The following KIF21A variants were observed in gnomAD, a reference collection of about 807,000 sequenced individuals.
KIF21A encodes kinesin family member 21A.
KIF21A carries 114 observed loss-of-function variants against 202.9 expected under a neutral mutation model. The observed-to-expected ratio is 0.56, with a 90% CI of 0.48 to 0.66. The LOEUF (loss-of-function observed/expected upper bound fraction) is 0.66. Ranked by LOEUF, KIF21A falls within the 30% of genes least tolerant of loss-of-function variation. The pLI, the probability that KIF21A is intolerant of heterozygous loss-of-function variation, is 0.00. For missense variants in KIF21A, 1,677 were observed against 1,994.9 expected, an observed-to-expected ratio of 0.84 and a Z score of 3.04; for synonymous variants, 667 against 670.8, an observed-to-expected ratio of 0.99 and a Z score of 0.09.
chr12:39,380,925 CTTCAAAGTTCT>C (rs1454486365), intron 1 of KIF21A, among the ~76,000 whole-genome samples: 1 of 151,970 alleles, frequency 6.6e-6, no homozygotes, highest in African/African-American at 2.4e-5. Context: ...CAAAACTCTC[CTTCAAAGTTCT>C]TTCTAAATGT....
chr12:39,359,606 A>C (rs1177354730), intron 7 of KIF21A, among the ~76,000 whole-genome samples: 2 of 152,226 alleles, frequency 1.3e-5, no homozygotes, highest in Non-Finnish European at 2.9e-5. Flanking sequence ...CTTTTGATAA[A>C]GAAAATAAGG....
intron 1 of KIF21A, among the ~76,000 whole-genome samples, chr12:39,406,338 T>C (rs1237679569): frequency 6.6e-6 from 1 of 152,200 alleles, no homozygotes; most frequent in Middle Eastern, 3.2e-3. Context: ...GATGCATCAA[T>C]GTCTCTATCT....
intron 12 of KIF21A, among the ~76,000 whole-genome samples, chr12:39,345,072 G>C (rs1947775894): frequency 6.6e-6 from 1 of 152,108 alleles, no homozygotes; most frequent in Non-Finnish European, 1.5e-5. Flanking sequence ...CAGTCCTACT[G>C]AATCAGAATC....
intron 28 of KIF21A, 83 bp from the exon 29 acceptor site, chr12:39,318,284 A>G: frequency 7.3e-7 from 1 of 1,364,484 alleles, no homozygotes; most frequent in African/African-American, 1.5e-5. Flanking sequence ...TGCTCTTTTA[A>G]AAAAAAGCTT....
chr12:39,436,425 TA>T (rs1938715493), intron 1 of KIF21A, among the ~76,000 whole-genome samples: 29 of 109,882 alleles, frequency 2.6e-4, no homozygotes, highest in Admixed American at 2.4e-3. Flanking sequence ...TACTATATTA[TA>T]TATATATATA....
rs562005192 is a variant in KIF21A at position 39,296,324 on chromosome 12, C to G, written c.4932-1807G>C. On this transcript the variant is annotated intron_variant, in intron 37 of 37. Transcript: ENST00000361418. Reference sequence around the variant, plus strand: ...GACCTCATGACCCGCCTGCCTCGGCCTCCCAAAGTGCTGGGATTACAGGCA... The same window carrying G: ...GACCTCATGACCCGCCTGCCTCGGCGTCCCAAAGTGCTGGGATTACAGGCA... Among the ~76,000 whole-genome samples, 21 of 152,108 alleles carry G rather than the reference C, an allele frequency of 1.4e-4. No homozygotes were observed. The East Asian group carries it at 3.5e-3, about 25-fold the overall frequency.
At chr12:39,384,931 A>G (rs1014186963) in intron 1 of KIF21A, among the ~76,000 whole-genome samples, 1 of 152,204 alleles carries the variant, frequency 6.6e-6, no homozygotes, top group Non-Finnish European at 1.5e-5. Context: ...CTCATGGCCT[A>G]GCCATGTGAC....
chr12:39,370,211 G>A lies in KIF21A; in HGVS notation c.95C>T (p.Thr32Ile). Residue 32 changes from threonine (T) to isoleucine (I), a missense_variant, in exon 2 of 38, where the codon ACA (threonine) becomes ATA (isoleucine). Physicochemically the swap from Thr to Ile is moderately conservative, Grantham distance 89. Coordinates refer to ENST00000361418, the MANE Select transcript of KIF21A (RefSeq NM_001173464.2). ...KEKIEGCHICTSVTPGEPQVF... is the reference protein window; with the variant it reads ...KEKIEGCHICISVTPGEPQVF... ...CTGAGGCTCTCCTGGTGTGACAGAT[G>A]TACAAATATGGCATCCTTCAATCTT... is the stretch of plus-strand genomic sequence containing the variant. 1 of 1,613,606 alleles carries A rather than the reference G, an allele frequency of 6.2e-7. No homozygotes were observed.
At chr12:39,386,568 G>A (rs1337438686) in intron 1 of KIF21A, among the ~76,000 whole-genome samples, 2 of 152,108 alleles carry the variant, frequency 1.3e-5, no homozygotes. Flanking sequence ...GAAGTTGAAC[G>A]GCAGGTGCTG....
chr12:39,423,931 C>T (rs1954528810), intron 1 of KIF21A, among the ~76,000 whole-genome samples: 1 of 142,744 alleles, frequency 7.0e-6, no homozygotes, highest in Non-Finnish European at 1.5e-5. Flanking sequence ...TTGCAGTGAG[C>T]CGAGATTGCG....
chr12:39,367,126 T>A lies in KIF21A; in HGVS notation c.639A>T (p.Thr213=), dbSNP rs774381155. 12 of 1,613,966 alleles carry A rather than the reference T, an allele frequency of 7.4e-6. No homozygotes were observed. The East Asian group carries it at 2.2e-4, about 30-fold the overall frequency. Reference sequence around the variant, plus strand: ...GAACATTCATCTGGGTACTGGCAGTTGTCCGGGATAAAGCACCCAACTTCA... The same window carrying A: ...GAACATTCATCTGGGTACTGGCAGTAGTCCGGGATAAAGCACCCAACTTCA... The part of the protein sequence containing the change: ...QCLKLGALSR[T]TASTQMNVQS... Residue 213 remains threonine, a synonymous_variant, in exon 5 of 38, where the codon ACA becomes ACT. Coordinates refer to ENST00000361418, the MANE Select transcript of KIF21A (RefSeq NM_001173464.2).
intron 31 of KIF21A, among the ~76,000 whole-genome samples, chr12:39,314,963 T>C (rs917082418): frequency 2.6e-5 from 4 of 151,924 alleles, no homozygotes; most frequent in African/African-American, 9.7e-5. Flanking sequence ...TTAGGATTAA[T>C]ATTTTATATA....
rs886049348 is a variant in KIF21A, at chr12:39,443,117, G to T, written c.-147C>A. The T allele has an allele frequency of 4.5e-4, 349 of 770,068 alleles. 2 individuals carry two copies. Among genetic ancestry groups the T allele is most frequent in the Middle Eastern group, 3.9e-4 (1 of 2,532 alleles). The allele number at this position is 770,068 out of a possible 1,614,324, so 47.7% of individuals were successfully genotyped here. ...CCGCCGCGCTCCAGCCATGTTGGGC[G>T]ACTGAATGGAAAGGTGGCGGCGGCG... On this transcript the variant is annotated 5_prime_UTR_variant, in exon 1 of 38. Transcript: ENST00000361418.
chr12:39,392,349 T>C lies in KIF21A; in HGVS notation c.45-22088A>G, dbSNP rs185871508. Among the ~76,000 whole-genome samples the C allele has an allele frequency of 6.6e-5, 10 of 152,258 alleles. No homozygotes were observed. The East Asian group carries it at 1.9e-3, about 29-fold the overall frequency. On this transcript the variant is annotated intron_variant, in intron 1 of 37. Transcript: ENST00000361418. ...ACACTGCCTGCAGCCACAGCATGCC[T>C]CAACCATCATTCTCCCAACCCCTGT...
chr12:39,337,051 C>T (rs780811163), intron 17 of KIF21A, 45 bp downstream of exon 17: 2 of 1,318,436 alleles, frequency 1.5e-6, no homozygotes, highest in South Asian at 2.4e-5. Flanking sequence ...CAATCTTTTT[C>T]AACGTACAAT....
chr12:39,334,497 T>C (rs1004715595), intron 17 of KIF21A, among the ~76,000 whole-genome samples: 3 of 152,210 alleles, frequency 2.0e-5, no homozygotes, highest in African/African-American at 7.2e-5. Context: ...CACAGCCATA[T>C]CTTAATTGCC....
At chr12:39,295,931 C>A (rs1288846809) in intron 37 of KIF21A, among the ~76,000 whole-genome samples, 1 of 150,128 alleles carries the variant, frequency 6.7e-6, no homozygotes, top group Non-Finnish European at 1.5e-5. Context: ...ATCTCTTGAC[C>A]TCGTGATCTG....
intron 1 of KIF21A, among the ~76,000 whole-genome samples, chr12:39,429,055 A>AT (rs1954984395): frequency 6.6e-6 from 1 of 152,108 alleles, no homozygotes; most frequent in Non-Finnish European, 1.5e-5. Context: ...GTGATCAATT[A>AT]TGGGGTCTTA....
chr12:39,310,732 C>T (rs1943946016), intron 32 of KIF21A, among the ~76,000 whole-genome samples: 1 of 152,002 alleles, frequency 6.6e-6, no homozygotes, highest in Non-Finnish European at 1.5e-5. Context: ...CCTTGTTTCT[C>T]ATAGCTGGGC....
Sources: gnomAD v4.1 joint callset for allele counts (sites outside exome capture counted in the v4.1 genomes callset) on GRCh38, gnomAD v4.1.1 for gene constraint, MANE v1.5 for transcripts, NCBI Gene and HGNC (gene_info 2026-07-23, HGNC 2026-07-21) for gene names.